TRIM2: variants seen among roughly 807,000 people sequenced by gnomAD.
The protein encoded by TRIM2 is tripartite motif-containing protein 2.
TRIM2 carries 20 observed loss-of-function variants against 75.2 expected under a neutral mutation model. The observed-to-expected ratio is 0.27, with a 90% CI of 0.19 to 0.39. The LOEUF (loss-of-function observed/expected upper bound fraction) is 0.39, where lower values mean the gene tolerates loss of function less well. Ranked by LOEUF, TRIM2 falls within the 10% of genes least tolerant of loss-of-function variation. The pLI is 1.00. For missense variants in TRIM2, 660 were observed against 990.8 expected (o/e 0.67, Z 4.48); for synonymous variants, 373 against 388.3 (o/e 0.96, Z 0.46).
At chr4:153,293,841 G>T (rs1196941421) in intron 4 of TRIM2, among the ~76,000 whole-genome samples, 1 of 152,192 alleles carries the variant, frequency 6.6e-6, no homozygotes, top group East Asian at 1.9e-4. Flanking sequence ...CTAGAATAGT[G>T]GTTCTCAGCC....
chr4:153,162,004 G>C (rs1019467406), intron 1 of TRIM2, among the ~76,000 whole-genome samples: 1 of 152,194 alleles, frequency 6.6e-6, no homozygotes, highest in African/African-American at 2.4e-5. Context: ...TTCTCTCTGC[G>C]TGGGACCAAT....
intron 6 of TRIM2, among the ~76,000 whole-genome samples, chr4:153,306,188 T>C (rs1764964114): frequency 6.6e-6 from 1 of 151,922 alleles, no homozygotes; most frequent in African/African-American, 2.4e-5. Flanking sequence ...TTATTAGCCA[T>C]ATGACTTAGG....
chr4:153,242,535 A>G (rs1746910892), intron 1 of TRIM2, among the ~76,000 whole-genome samples: 1 of 152,104 alleles, frequency 6.6e-6, no homozygotes, highest in South Asian at 2.1e-4. Flanking sequence ...ATAAACTCTT[A>G]ACCATTAACT....
intron 1 of TRIM2, among the ~76,000 whole-genome samples, chr4:153,188,081 C>T (rs1042981498): frequency 1.3e-5 from 2 of 152,104 alleles, no homozygotes; most frequent in Admixed American, 6.5e-5. Flanking sequence ...GTTCCTAGGA[C>T]GAAAGCACAG....
chr4:153,325,495 G>A (rs943919909), intron 10 of TRIM2, among the ~76,000 whole-genome samples: 2 of 152,192 alleles, frequency 1.3e-5, no homozygotes, highest in Admixed American at 1.3e-4. Context: ...AAGGACGGAA[G>A]TAGAGAGCAA....
chr4:153,250,268 C>T (rs528292446), intron 1 of TRIM2, among the ~76,000 whole-genome samples: 4 of 152,224 alleles, frequency 2.6e-5, no homozygotes, highest in South Asian at 2.1e-4. Flanking sequence ...TACAGGCACG[C>T]GCCACCATGC....
chr4:153,272,423 C>T (rs1204696448), intron 2 of TRIM2, among the ~76,000 whole-genome samples: 1 of 152,148 alleles, frequency 6.6e-6, no homozygotes, highest in East Asian at 1.9e-4. Context: ...GCTGGGATTA[C>T]AGGCGTGAGC....
chr4:153,295,844 C>T lies in TRIM2; in HGVS notation c.1318C>T (p.Arg440Ter). The change falls in exon 6 of 12, where the codon CGA becomes TGA. Residue 440 changes from arginine (R) to a stop codon, truncating the protein, a stop_gained. Transcript: ENST00000338700. LOFTEE classifies it high-confidence loss of function. The surrounding 1 kb of genome is among the most constrained non-coding windows in gnomAD (Gnocchi z 7.2). The part of the protein sequence containing the change: ...LSLRLYDQHI[R>*]GSPFKLKVIR... Reference sequence around the variant, plus strand: ...TCTGAGACTCTATGACCAGCACATCCGAGGCAGCCCGTTTAAGCTGAAAGT... The same window carrying T: ...TCTGAGACTCTATGACCAGCACATCTGAGGCAGCCCGTTTAAGCTGAAAGT... The T allele has an allele frequency of 6.2e-7, 1 of 1,614,070 alleles. No homozygotes were observed. The highest frequency in any genetic ancestry group is 8.5e-7 in the Non-Finnish European group (1 of 1,180,006).
intron 1 of TRIM2, among the ~76,000 whole-genome samples, chr4:153,158,736 T>C (rs4696170): frequency 0.31 from 47,478 of 152,068 alleles, 7,691 homozygotes; most frequent in South Asian, 0.43. Flanking sequence ...GAGGGGAAAC[T>C]GATATTCTTG....
At chr4:153,322,500 C>T in intron 8 of TRIM2, 148 bp from the exon 9 acceptor site, 1 of 722,878 alleles carries the variant, frequency 1.4e-6, no homozygotes, top group Non-Finnish European at 2.1e-6. Context: ...TTTTCCAAGA[C>T]AGAAGTTCAT....
chr4:153,204,434 C>G, upstream of TRIM2: 1 of 1,443,562 alleles, frequency 6.9e-7, no homozygotes, highest in Non-Finnish European at 9.5e-7. Context: ...AAGGGCCACC[C>G]TTTAACTCGG....
intron 1 of TRIM2, among the ~76,000 whole-genome samples, chr4:153,191,647 C>G (rs1428541804): frequency 6.6e-6 from 1 of 152,128 alleles, no homozygotes; most frequent in Non-Finnish European, 1.5e-5. Context: ...TTGTTTGGTA[C>G]TTCTTATTTA....
chr4:153,201,857 T>A (rs1449202401), upstream of TRIM2, among the ~76,000 whole-genome samples: 1 of 152,126 alleles, frequency 6.6e-6, no homozygotes, highest in Non-Finnish European at 1.5e-5. Context: ...CTTGGAAAAA[T>A]AAACTTTCTA....
intron 4 of TRIM2, 139 bp downstream of exon 4, chr4:153,293,272 T>C (rs1024705443): frequency 2.2e-6 from 2 of 907,784 alleles, no homozygotes; most frequent in Non-Finnish European, 3.2e-6. Context: ...TCTTTTATCA[T>C]GGATTTGTTG....
At chr4:153,232,654 C>CG (rs1356938315) in intron 1 of TRIM2, among the ~76,000 whole-genome samples, 2 of 149,012 alleles carry the variant, frequency 1.3e-5, no homozygotes, top group East Asian at 4.0e-4. Context: ...TAGGTTGGGG[C>CG]GGGGGTGGAG....
intron 1 of TRIM2, among the ~76,000 whole-genome samples, chr4:153,193,859 C>T (rs1288576773): frequency 6.6e-6 from 1 of 152,028 alleles, no homozygotes; most frequent in African/African-American, 2.4e-5. Flanking sequence ...GAATCAAATC[C>T]AAGTGTGGGA....
chr4:153,261,384 C>T (rs1753548013), intron 1 of TRIM2, among the ~76,000 whole-genome samples: 1 of 152,048 alleles, frequency 6.6e-6, no homozygotes, highest in African/African-American at 2.4e-5. Flanking sequence ...GATCACACCA[C>T]TGTACTCCAG....
intron 3 of TRIM2, among the ~76,000 whole-genome samples, chr4:153,287,459 C>A (rs1180843297): frequency 6.6e-6 from 1 of 152,078 alleles, no homozygotes; most frequent in African/African-American, 2.4e-5. Flanking sequence ...TTCCTTTTGC[C>A]ATTTACTATT....
At chr4:153,219,083 G>A (rs1477181653) in intron 1 of TRIM2, among the ~76,000 whole-genome samples, 1 of 152,120 alleles carries the variant, frequency 6.6e-6, no homozygotes, top group African/African-American at 2.4e-5. Context: ...TATAGGAAAC[G>A]AATCTCATAT....
Sources: allele counts gnomAD v4.1 joint callset (sites outside exome capture counted in the v4.1 genomes callset), GRCh38; gene constraint gnomAD v4.1.1; non-coding constraint Gnocchi (gnomAD v3.1); transcripts MANE v1.5; gene names NCBI Gene and HGNC (gene_info 2026-07-23, HGNC 2026-07-21).